The following BAZ2B variants were observed in gnomAD, a reference collection of about 807,000 sequenced individuals.
The protein encoded by BAZ2B is bromodomain adjacent to zinc finger domain protein 2B.
A neutral mutation model predicts 246.0 loss-of-function variants in BAZ2B; 91 were observed. The observed-to-expected ratio is 0.37, with a 90% confidence interval of 0.31 to 0.44. BAZ2B has a LOEUF of 0.44. Ranked by LOEUF, BAZ2B falls within the 20% of genes least tolerant of loss-of-function variation. The probability of loss-of-function intolerance (pLI) is 1.00; values close to 1 mark genes in which losing one functional copy is unlikely to be tolerated. For missense variants in BAZ2B, 2,332 were observed against 2,533.7 expected, an observed-to-expected ratio of 0.92 and a Z score of 1.71; for synonymous variants, 855 against 860.0, an observed-to-expected ratio of 0.99 and a Z score of 0.10.
At chr2:159,358,352 A>G (rs2059336419) in intron 27 of BAZ2B, among the ~76,000 whole-genome samples, 1 of 151,614 alleles carries the variant, frequency 6.6e-6, no homozygotes, top group African/African-American at 2.4e-5. Context: ...AACAAAGATC[A>G]AAAGAGACAA....
chr2:159,413,804 T>C (rs1359548984), intron 13 of BAZ2B, among the ~76,000 whole-genome samples: 3 of 152,108 alleles, frequency 2.0e-5, no homozygotes, highest in Non-Finnish European at 4.4e-5. Flanking sequence ...GTTGATGATA[T>C]CAAGAACGTA....
At chr2:159,483,613 C>T (rs1461284989) in intron 2 of BAZ2B, among the ~76,000 whole-genome samples, 1 of 152,036 alleles carries the variant, frequency 6.6e-6, no homozygotes, top group African/African-American at 2.4e-5. Flanking sequence ...CCTGTCTCTA[C>T]TAAAAATACA....
At chr2:159,692,081 T>G in the BAZ2B span, among the ~76,000 whole-genome samples, 9 of 152,354 alleles carry the variant, frequency 5.9e-5, no homozygotes, top group Admixed American at 5.9e-4. Flanking sequence ...GTGTATATTT[T>G]ATGGTAGCAA....
chr2:159,573,770 A>C (rs1419232195), intron 1 of BAZ2B, among the ~76,000 whole-genome samples: 1 of 152,182 alleles, frequency 6.6e-6, no homozygotes, highest in African/African-American at 2.4e-5. Context: ...TATCCAAAAT[A>C]TATTTTTAAA....
chr2:159,547,538 C>G (rs573540876), intron 2 of BAZ2B, among the ~76,000 whole-genome samples: 1 of 152,266 alleles, frequency 6.6e-6, no homozygotes, highest in East Asian at 1.9e-4. Flanking sequence ...TATCCACTCC[C>G]TGACTAGCAT....
chr2:159,491,449 G>A (rs2080447930), intron 2 of BAZ2B, among the ~76,000 whole-genome samples: 1 of 151,934 alleles, frequency 6.6e-6, no homozygotes, highest in African/African-American at 2.4e-5. Context: ...GGCCAGGCGC[G>A]GTGGCTCACG....
the BAZ2B span, among the ~76,000 whole-genome samples, chr2:159,634,213 A>G: frequency 6.6e-6 from 1 of 152,216 alleles, no homozygotes; most frequent in African/African-American, 2.4e-5. Flanking sequence ...CTTTAACGTA[A>G]TGGTGATCTT....
intron 2 of BAZ2B, among the ~76,000 whole-genome samples, chr2:159,533,467 T>C (rs2085585563): frequency 6.6e-6 from 1 of 152,204 alleles, no homozygotes; most frequent in Admixed American, 6.5e-5. Flanking sequence ...CTTATGATCA[T>C]TTTCATCATT....
At chr2:159,376,449 T>C (rs1472106068) in intron 25 of BAZ2B, among the ~76,000 whole-genome samples, 1 of 152,146 alleles carries the variant, frequency 6.6e-6, no homozygotes, top group Non-Finnish European at 1.5e-5. Context: ...TTATCTCTCA[T>C]TCATCCGCTC....
At chr2:159,703,796 T>C in the BAZ2B span, among the ~76,000 whole-genome samples, 2 of 152,028 alleles carry the variant, frequency 1.3e-5, no homozygotes, top group Admixed American at 1.3e-4. Context: ...GCCCAGGAGG[T>C]CAAGGCTAGA....
Position 159,349,816 on chromosome 2 carries a change from A to C in BAZ2B, c.4755T>G (p.Thr1585=), listed in dbSNP as rs201708161. 22 of 1,614,064 alleles carry C rather than the reference A, an allele frequency of 1.4e-5. No individual in the cohort carries two copies. The highest frequency in any genetic ancestry group is 1.7e-5 in the Admixed American group (1 of 59,998). Residue 1585 remains threonine (T), a synonymous_variant, in exon 28 of 37, where the codon ACT becomes ACG. Coordinates refer to ENST00000392783, the MANE Select transcript of BAZ2B (RefSeq NM_013450.4). The stretch of plus-strand genomic sequence containing the variant: ...ACTTAGATGGTGGCTGAGACTGAGG[A>C]GTCACCAAAGAAGCAGTTGACATAT... ...HADMSTASLV[T]PQSQPPSKSP...
At chr2:159,354,596 A>T (rs984741618) in intron 27 of BAZ2B, among the ~76,000 whole-genome samples, 2 of 152,100 alleles carry the variant, frequency 1.3e-5, no homozygotes, top group African/African-American at 4.8e-5. Context: ...CGTGATCCGC[A>T]TGCCTCAGCC....
chr2:159,415,304 G>A (rs2067492635), intron 13 of BAZ2B, among the ~76,000 whole-genome samples: 1 of 152,004 alleles, frequency 6.6e-6, no homozygotes, highest in Admixed American at 6.5e-5. Flanking sequence ...AATTAGCCGG[G>A]CGTGGTGGTG....
intron 27 of BAZ2B, among the ~76,000 whole-genome samples, chr2:159,355,899 T>C (rs1469826615): frequency 6.6e-6 from 1 of 152,184 alleles, no homozygotes; most frequent in African/African-American, 2.4e-5. Flanking sequence ...GGGAACTCCC[T>C]CTCCTAGCCA....
chr2:159,356,759 G>T (rs913521593), intron 27 of BAZ2B, among the ~76,000 whole-genome samples: 1 of 152,172 alleles, frequency 6.6e-6, no homozygotes, highest in Non-Finnish European at 1.5e-5. Context: ...GCCCCTGTGG[G>T]ACGAAGGTTC....
intron 2 of BAZ2B, among the ~76,000 whole-genome samples, chr2:159,482,767 T>C (rs534799085): frequency 1.3e-5 from 2 of 152,346 alleles, no homozygotes; most frequent in South Asian, 4.1e-4. Flanking sequence ...TACATTCATT[T>C]TGTTGACAAA....
intron 1 of BAZ2B, among the ~76,000 whole-genome samples, chr2:159,558,897 C>T (rs931124927): frequency 1.3e-5 from 2 of 152,088 alleles, no homozygotes; most frequent in African/African-American, 4.8e-5. Context: ...AGGAAACATT[C>T]TCTCTAAACT....
intron 2 of BAZ2B, among the ~76,000 whole-genome samples, chr2:159,480,179 G>C (rs992802829): frequency 6.6e-6 from 1 of 151,938 alleles, no homozygotes; most frequent in Non-Finnish European, 1.5e-5. Flanking sequence ...TTAGGAAAAA[G>C]CTATTTTTTC....
rs1272438073 is a variant in BAZ2B, at chr2:159,337,113, T to C, written c.5661-36A>G. Reference sequence around the variant, plus strand: ...ATATAGAAAAATTAAGTAGGTCATGTCCACACTTACGATTACGGAATGTGA... The same window carrying C: ...ATATAGAAAAATTAAGTAGGTCATGCCCACACTTACGATTACGGAATGTGA... On this transcript the variant is annotated intron_variant, in intron 32 of 36. Coordinates refer to ENST00000392783, the MANE Select transcript of BAZ2B (RefSeq NM_013450.4). The C allele has an allele frequency of 3.2e-6, 5 of 1,584,706 alleles. No individual in the cohort carries two copies. In the South Asian group the frequency reaches 3.4e-5, roughly 11 times the overall value.
Sources: allele counts gnomAD v4.1 joint callset (sites outside exome capture counted in the v4.1 genomes callset), GRCh38; gene constraint gnomAD v4.1.1; transcripts MANE v1.5; gene names NCBI Gene and HGNC (gene_info 2026-07-23, HGNC 2026-07-21).